Variants in NRXN3 observed in about 807,000 individuals in gnomAD.
NRXN3 encodes the protein neurexin III.
Under a neutral mutation model 137.6 loss-of-function variants are expected in NRXN3, and 32 were observed. The ratio of observed to expected loss-of-function variants is 0.23; its 90% confidence interval spans 0.18 to 0.31. The LOEUF is 0.31. Among genes scored for constraint, NRXN3 ranks in the 10% least tolerant of loss-of-function variants. NRXN3 has a pLI of 1.00. For synonymous variants in NRXN3, 798 were observed against 784.5 expected (o/e 1.02, Z -0.29); for missense variants, 1,574 against 2,062.5 (o/e 0.76, Z 4.59).
chr14:78,414,224 A>T (rs2093004692), intron 4 of NRXN3, among the ~76,000 whole-genome samples: 1 of 151,412 alleles, frequency 6.6e-6, no homozygotes, highest in Non-Finnish European at 1.5e-5. Context: ...TCTGGGGGTG[A>T]TATTGTCAAG....
chr14:78,228,100 A>G (rs1414857309), intron 1 of NRXN3, among the ~76,000 whole-genome samples: 1 of 151,896 alleles, frequency 6.6e-6, no homozygotes, highest in Non-Finnish European at 1.5e-5. Flanking sequence ...CATTAATACA[A>G]TCAAACCCAA....
intron 4 of NRXN3, among the ~76,000 whole-genome samples, chr14:78,337,825 C>G (rs1303435798): frequency 6.6e-6 from 1 of 152,066 alleles, no homozygotes; most frequent in Non-Finnish European, 1.5e-5. Context: ...TTTGGAGGAA[C>G]CAGAGATGAA....
intron 6 of NRXN3, among the ~76,000 whole-genome samples, chr14:78,663,497 C>T (rs2097856767): frequency 6.6e-6 from 1 of 152,160 alleles, no homozygotes; most frequent in Non-Finnish European, 1.5e-5. Context: ...AGGGAAGATG[C>T]TGCTCTTAGT....
intron 15 of NRXN3, among the ~76,000 whole-genome samples, chr14:79,305,486 T>C (rs2085890364): frequency 6.6e-6 from 1 of 151,990 alleles, no homozygotes; most frequent in African/African-American, 2.4e-5. Flanking sequence ...CCCTGACATT[T>C]TACAGATGGA....
intron 20 of NRXN3, among the ~76,000 whole-genome samples, chr14:79,807,234 C>G (rs1307687123): frequency 6.6e-6 from 1 of 151,814 alleles, no homozygotes; most frequent in Non-Finnish European, 1.5e-5. Context: ...TTTGACCTCC[C>G]AAATGTTTTT....
chr14:79,747,501 AT>A, intron 19 of NRXN3, among the ~76,000 whole-genome samples: 1 of 152,002 alleles, frequency 6.6e-6, no homozygotes, highest in Admixed American at 6.6e-5. Context: ...ATGTTTCCCA[AT>A]TCAAAATATC....
intron 15 of NRXN3, among the ~76,000 whole-genome samples, chr14:79,070,869 T>G (rs1352174018): frequency 1.3e-5 from 2 of 152,168 alleles, no homozygotes; most frequent in Non-Finnish European, 2.9e-5. Flanking sequence ...TCAGAATCCC[T>G]CTTGAGATAA....
intron 5 of NRXN3, 104 bp from the exon 6 acceptor site, chr14:78,651,061 A>T (rs2097737194): frequency 9.1e-7 from 1 of 1,103,174 alleles, no homozygotes; most frequent in Admixed American, 2.5e-5. Context: ...TATCTCATGA[A>T]AATCTTAATG....
chr14:78,539,191 A>G (rs1314908039), intron 4 of NRXN3, among the ~76,000 whole-genome samples: 1 of 152,188 alleles, frequency 6.6e-6, no homozygotes, highest in Non-Finnish European at 1.5e-5. Context: ...AAGGAATGCT[A>G]GCAGCTCCTC....
chr14:79,601,643 G>A (rs1462302741), intron 16 of NRXN3, among the ~76,000 whole-genome samples: 1 of 152,160 alleles, frequency 6.6e-6, no homozygotes, highest in African/African-American at 2.4e-5. Flanking sequence ...CACGGCCAGT[G>A]CCCTTGCTTG....
intron 15 of NRXN3, among the ~76,000 whole-genome samples, chr14:79,098,225 T>C (rs973073098): frequency 3.3e-5 from 5 of 152,314 alleles, no homozygotes; most frequent in South Asian, 4.1e-4. Context: ...AGGTTTACAA[T>C]ACAAGAACAA....
At chr14:79,243,162 G>T (rs1297554521) in intron 15 of NRXN3, among the ~76,000 whole-genome samples, 1 of 152,062 alleles carries the variant, frequency 6.6e-6, no homozygotes, top group Non-Finnish European at 1.5e-5. Flanking sequence ...GTACTATATA[G>T]ATATGCGAGA....
intron 16 of NRXN3, among the ~76,000 whole-genome samples, chr14:79,562,960 T>C (rs1043434502): frequency 5.9e-5 from 9 of 152,164 alleles, no homozygotes; most frequent in Admixed American, 5.2e-4. Flanking sequence ...GGAGACTGAA[T>C]AAGATCTATG....
At chr14:78,536,400 T>C (rs928853639) in intron 4 of NRXN3, among the ~76,000 whole-genome samples, 3 of 152,154 alleles carry the variant, frequency 2.0e-5, no homozygotes, top group African/African-American at 7.2e-5. Flanking sequence ...GGTCTGAAGG[T>C]TTGCTTCTGA....
At chr14:78,695,902 G>A (rs767428297) in intron 6 of NRXN3, 3 of 152,056 alleles carry the variant, frequency 2.0e-5, no homozygotes, top group Non-Finnish European at 2.9e-5. Flanking sequence ...TTGAATTAGG[G>A]AACTTCAGTA....
intron 1 of NRXN3, among the ~76,000 whole-genome samples, chr14:78,201,607 T>G (rs558782560): frequency 3.7e-4 from 56 of 152,280 alleles, no homozygotes; most frequent in African/African-American, 1.3e-3. Context: ...TCCCTTGGCT[T>G]GCATGGGACT....
chr14:79,021,625 C>G (rs539019832), intron 15 of NRXN3, among the ~76,000 whole-genome samples: 1 of 152,034 alleles, frequency 6.6e-6, no homozygotes, highest in South Asian at 2.1e-4. Flanking sequence ...GTGCAATTTG[C>G]TCTAATACTA....
chr14:79,334,288 T>C (rs957781227), intron 15 of NRXN3, among the ~76,000 whole-genome samples: 1 of 152,098 alleles, frequency 6.6e-6, no homozygotes, highest in African/African-American at 2.4e-5. Context: ...AATGAGGGAA[T>C]GGAGAGTGTG....
chr14:79,094,973 AGAGAGAGT>A lies in NRXN3; in HGVS notation c.3262+106834_3262+106841del, dbSNP rs1406300064. Reference sequence around the variant, plus strand: ...AAGAGAGAGAGAGAGAGAGAGAGAGAGAGAGAGTGTGTGTGTGTGTGTGTGTGTGTGTG... The same window carrying A: ...AAGAGAGAGAGAGAGAGAGAGAGAGAGTGTGTGTGTGTGTGTGTGTGTGTG... On this transcript the variant is annotated intron_variant, in intron 15 of 20. Coordinates refer to ENST00000335750, the MANE Select transcript of NRXN3 (RefSeq NM_001330195.2). Among the ~76,000 whole-genome samples, 25 of 94,774 alleles carry A rather than the reference AGAGAGAGT, an allele frequency of 2.6e-4. No individual in the cohort carries two copies. In the East Asian group the frequency reaches 8.1e-3, roughly 31 times the overall value. The allele number at this position is 94,774 out of a possible 152,430, so 62.2% of individuals were successfully genotyped here.
Sources: allele counts gnomAD v4.1 joint callset (sites outside exome capture counted in the v4.1 genomes callset), GRCh38; gene constraint gnomAD v4.1.1; transcripts MANE v1.5; gene names NCBI Gene and HGNC (gene_info 2026-07-23, HGNC 2026-07-21).